The following RPTOR variants were observed in gnomAD, a reference collection of about 807,000 sequenced individuals.
RPTOR encodes the protein regulatory-associated protein of mTOR.
Under a neutral mutation model 169.9 loss-of-function variants are expected in RPTOR, and 21 were observed. The ratio of observed to expected loss-of-function variants is 0.12; its 90% CI spans 0.09 to 0.18. The LOEUF (loss-of-function observed/expected upper bound fraction) is 0.18, where lower values mean the gene tolerates loss of function less well. RPTOR is among the 10% of genes least tolerant of loss of function. The pLI is 1.00. For synonymous variants in RPTOR, 732 were observed against 753.2 expected, an observed-to-expected ratio of 0.97 and a Z score of 0.46; for missense variants, 1,133 against 1,855.9, an observed-to-expected ratio of 0.61 and a Z score of 7.16.
chr17:80,704,416 A>G (rs1394661288), intron 3 of RPTOR, among the ~76,000 whole-genome samples: 1 of 152,266 alleles, frequency 6.6e-6, no homozygotes, highest in East Asian at 1.9e-4. Context: ...TGATGAATCC[A>G]TCACATCAGT....
chr17:80,790,156 C>T (rs2067032621), intron 6 of RPTOR, among the ~76,000 whole-genome samples: 2 of 152,218 alleles, frequency 1.3e-5, no homozygotes, highest in African/African-American at 4.8e-5. Flanking sequence ...CAGAGTGGCA[C>T]TGACTGGCTC....
chr17:80,631,628 A>G (rs2065443097), intron 2 of RPTOR, among the ~76,000 whole-genome samples: 1 of 151,988 alleles, frequency 6.6e-6, no homozygotes, highest in Admixed American at 6.6e-5. Flanking sequence ...TCTCATGTTG[A>G]TAGGATTGGA....
At chr17:80,797,597 A>G (rs1228133433) in intron 7 of RPTOR, among the ~76,000 whole-genome samples, 1 of 152,244 alleles carries the variant, frequency 6.6e-6, no homozygotes, top group Non-Finnish European at 1.5e-5. Context: ...AAAAGTTTTT[A>G]ATAAGTAGAT....
intron 3 of RPTOR, among the ~76,000 whole-genome samples, chr17:80,700,680 A>ACGGTGATGGTAGAGATGATAGTGAT (rs1567864555): frequency 9.3e-5 from 1 of 10,740 alleles, no homozygotes; most frequent in Admixed American, 8.7e-4. Context: ...GTGATGATGG[A>ACGGTGATGGTAGAGATGATAGTGAT]GGTGGTGGTG....
rs78861022 is a variant in RPTOR, at chr17:80,825,395, G to A, written c.1136+2172G>A. 1.3e-4 allele frequency among the ~76,000 whole-genome samples: 17 copies of A among 128,238 alleles called. No homozygotes were observed. The East Asian group carries it at 3.5e-3, about 27-fold the overall frequency. 84.1% of individuals were successfully genotyped at this position (128,238 alleles called of 152,430 possible). A position where few individuals can be genotyped will look rare whatever the true frequency, so the allele number is the denominator to read the frequency against. Reference sequence around the variant, plus strand: ...CAGGGCAGCCACATCCCACATCTCTGTCTAGAGACTGCTTTCTAGGACTGG... The same window carrying A: ...CAGGGCAGCCACATCCCACATCTCTATCTAGAGACTGCTTTCTAGGACTGG... On this transcript the variant is annotated intron_variant, in intron 9 of 33. Coordinates refer to ENST00000306801, the MANE Select transcript of RPTOR (RefSeq NM_020761.3).
intron 13 of RPTOR, among the ~76,000 whole-genome samples, chr17:80,875,420 A>G (rs1425449171): frequency 6.6e-6 from 1 of 152,078 alleles, no homozygotes. Flanking sequence ...AGTTCCTGAA[A>G]CCTGAGACAC....
intron 21 of RPTOR, among the ~76,000 whole-genome samples, chr17:80,910,490 G>A (rs2143939014): frequency 6.6e-6 from 1 of 152,276 alleles, no homozygotes; most frequent in South Asian, 2.1e-4. Context: ...GCAGGGAAAG[G>A]CCACACTCTT....
chr17:80,923,275 A>G (rs927330334), intron 22 of RPTOR, among the ~76,000 whole-genome samples: 1 of 152,138 alleles, frequency 6.6e-6, no homozygotes, highest in Non-Finnish European at 1.5e-5. Flanking sequence ...AATGAGGGAC[A>G]ACCCTGCCCC....
At position 80,625,802 on chromosome 17, in the gene RPTOR, G is replaced by A. The variant is rs1358495157; in HGVS notation, c.265+9G>A. 1.3e-5 allele frequency: 20 copies of A among 1,589,430 alleles called. No individual in the cohort carries two copies. The highest frequency in any genetic ancestry group is 1.7e-5 in the Non-Finnish European group (20 of 1,158,852). ...CTTGGAATGCTGGATCGGTGAGTAT[G>A]CCTCCCTCACGCGCTGCCACAAAGG... On this transcript the variant is annotated intron_variant, in intron 2 of 33. Coordinates refer to ENST00000306801, the MANE Select transcript of RPTOR (RefSeq NM_020761.3).
chr17:80,961,795 C>T (rs570081978), intron 31 of RPTOR: 12 of 345,512 alleles, frequency 3.5e-5, no homozygotes, highest in South Asian at 1.7e-4. Flanking sequence ...GTGGCAGGGG[C>T]GGCGCGTCTG....
chr17:80,561,242 TATATATATGTATATATATATG>T (rs1568304490), intron 1 of RPTOR, among the ~76,000 whole-genome samples: 30 of 5,454 alleles, frequency 5.5e-3, no homozygotes, highest in Admixed American at 8.9e-3. Flanking sequence ...GGCTAATTTA[TATATATATGTATATATATATG>T]TATATATATA....
At position 80,708,837 on chromosome 17, in the gene RPTOR, C is replaced by T. The variant is rs1224161087; in HGVS notation, c.507+838C>T. The T allele has an allele frequency of 1.1e-5, 7 of 652,396 alleles. No homozygotes were observed. The highest frequency in any genetic ancestry group is 1.3e-5 in the Non-Finnish European group (7 of 525,820). 40.4% of individuals were successfully genotyped at this position (652,396 alleles called of 1,614,324 possible). A position where few individuals can be genotyped will look rare whatever the true frequency, so the allele number is the denominator to read the frequency against. ...ATGTGCCTGAGCGTGTCTATGAGGG[C>T]ACTGATTTGGAATCCAGCAAATCCG... On this transcript the variant is annotated intron_variant, in intron 4 of 33. Transcript: ENST00000306801. The surrounding 1 kb of genome is among the most constrained non-coding windows in gnomAD (Gnocchi z 4.2).
intron 20 of RPTOR, among the ~76,000 whole-genome samples, chr17:80,895,933 G>C (rs1394909659): frequency 6.6e-6 from 1 of 152,100 alleles, no homozygotes; most frequent in Non-Finnish European, 1.5e-5. Flanking sequence ...CACAGTTCTG[G>C]GTGCTGATTC....
Position 80,743,883 on chromosome 17 carries a change from A to G in RPTOR, c.655-10127A>G, listed in dbSNP as rs1172362310. Among the ~76,000 whole-genome samples, 9 of 106,748 alleles carry G rather than the reference A, an allele frequency of 8.4e-5. 2 individuals carry two copies. Among genetic ancestry groups the G allele is most frequent in the East Asian group, 8.2e-4 (3 of 3,644 alleles). 70.0% of individuals were successfully genotyped at this position (106,748 alleles called of 152,430 possible). A position where few individuals can be genotyped will look rare whatever the true frequency, so the allele number is the denominator to read the frequency against. On this transcript the variant is annotated intron_variant, in intron 5 of 33. Coordinates refer to ENST00000306801, the MANE Select transcript of RPTOR (RefSeq NM_020761.3). ...CCTGGCTACTAGCACAGCCCTGGCT[A>G]CTAGCACTGTCCTGGTTACGAGCAC...
rs191919590 is a variant in RPTOR at position 80,945,586 on chromosome 17, C to T, written c.3026-81C>T. On this transcript the variant is annotated intron_variant, in intron 25 of 33. Coordinates refer to ENST00000306801, the MANE Select transcript of RPTOR (RefSeq NM_020761.3). The stretch of plus-strand genomic sequence containing the variant: ...CAGCCTGGGCGACAGAGCGAGACTC[C>T]GTCTCAAAAAAAATAAATAAATAAA... 157 of 880,618 alleles carry T rather than the reference C, an allele frequency of 1.8e-4. No homozygotes were observed. The East Asian group carries it at 4.1e-3, about 23-fold the overall frequency. 54.6% of individuals were successfully genotyped at this position (880,618 alleles called of 1,614,324 possible).
At chr17:80,547,964 A>G (rs1052321142) in intron 1 of RPTOR, among the ~76,000 whole-genome samples, 1 of 151,758 alleles carries the variant, frequency 6.6e-6, no homozygotes, top group African/African-American at 2.4e-5. Flanking sequence ...GAAGTCAGCA[A>G]ACTTTTTTTT....
At chr17:80,676,456 C>T (rs553383257) in intron 3 of RPTOR, among the ~76,000 whole-genome samples, 2 of 152,134 alleles carry the variant, frequency 1.3e-5, no homozygotes, top group Admixed American at 1.3e-4. Context: ...CATCAGGGCC[C>T]CCGGGACCTC....
intron 3 of RPTOR, among the ~76,000 whole-genome samples, chr17:80,666,866 C>T (rs1455798213): frequency 2.0e-5 from 3 of 152,110 alleles, no homozygotes; most frequent in Non-Finnish European, 4.4e-5. Context: ...TTCTCTTGAC[C>T]AGAAGCCATG....
intron 13 of RPTOR, among the ~76,000 whole-genome samples, chr17:80,865,234 C>T (rs11150751): frequency 0.095 from 14,519 of 152,070 alleles, 1,592 homozygotes; most frequent in African/African-American, 0.27. Flanking sequence ...ATAGACAACA[C>T]GGAAGGAAAA....
Sources: gnomAD v4.1 joint callset for allele counts (sites outside exome capture counted in the v4.1 genomes callset) on GRCh38, gnomAD v4.1.1 for gene constraint, Gnocchi (gnomAD v3.1) non-coding constraint, MANE v1.5 for transcripts, NCBI Gene and HGNC (gene_info 2026-07-23, HGNC 2026-07-21) for gene names.